Variants in PHLPP1 observed in about 807,000 individuals in gnomAD.
The protein encoded by PHLPP1 is PH domain leucine-rich repeat-containing protein phosphatase 1.
PHLPP1 carries 42 observed loss-of-function variants against 117.2 expected under a neutral mutation model. The ratio of observed to expected loss-of-function variants is 0.36; its 90% confidence interval spans 0.28 to 0.46. PHLPP1 has a LOEUF of 0.46. Among genes scored for constraint, PHLPP1 ranks in the 20% least tolerant of loss-of-function variants. The pLI is 1.00. For missense variants in PHLPP1, 2,084 were observed against 2,241.9 expected (o/e 0.93, Z 1.42); for synonymous variants, 1,042 against 970.7 (o/e 1.07, Z -1.37).
intron 12 of PHLPP1, among the ~76,000 whole-genome samples, chr18:62,953,322 G>A (rs1910518179): frequency 6.6e-6 from 1 of 152,140 alleles, no homozygotes; most frequent in African/African-American, 2.4e-5. Flanking sequence ...TCCAGCCTCA[G>A]CAACTGCTCA....
chr18:62,757,994 G>T (rs1912080921), intron 1 of PHLPP1, among the ~76,000 whole-genome samples: 2 of 152,172 alleles, frequency 1.3e-5, no homozygotes, highest in African/African-American at 4.8e-5. Flanking sequence ...CTAGTTTAGG[G>T]ACACTTTTAA....
chr18:62,746,047 A>T (rs1198946022), intron 1 of PHLPP1, among the ~76,000 whole-genome samples: 1 of 146,814 alleles, frequency 6.8e-6, no homozygotes, highest in Admixed American at 6.8e-5. Context: ...AGAAAAACTA[A>T]TTTTTTTTTT....
In PHLPP1 at chr18:62,825,793, C is replaced by A. The variant is rs142729542; in HGVS notation, c.1577-4242C>A. The stretch of plus-strand genomic sequence containing the variant: ...ATTATAGCAATTACAGTAGACCTAT[C>A]ACTATAATACTCAGCTTTTTTTATT... On this transcript the variant is annotated intron_variant, in intron 1 of 16. Transcript: ENST00000262719. Among the ~76,000 whole-genome samples the A allele has an allele frequency of 3.2e-3, 490 of 152,196 alleles. 4 individuals are homozygous for A. The highest frequency in any genetic ancestry group is 4.0e-3 in the Non-Finnish European group (271 of 68,006).
chr18:62,781,468 T>C (rs1037090328), intron 1 of PHLPP1, among the ~76,000 whole-genome samples: 2 of 152,192 alleles, frequency 1.3e-5, no homozygotes, highest in African/African-American at 4.8e-5. Flanking sequence ...CACTGGGCTC[T>C]CAGTTTTGGC....
intron 12 of PHLPP1, among the ~76,000 whole-genome samples, chr18:62,949,560 G>A (rs1403243172): frequency 1.3e-5 from 2 of 152,160 alleles, no homozygotes; most frequent in African/African-American, 4.8e-5. Context: ...AATAAAATGA[G>A]TTTTTCAGAA....
intron 1 of PHLPP1, among the ~76,000 whole-genome samples, chr18:62,748,543 G>A (rs1174784134): frequency 6.6e-6 from 1 of 152,056 alleles, no homozygotes; most frequent in South Asian, 2.1e-4. Flanking sequence ...ACCACGCCCC[G>A]CCCAAATTCG....
intron 1 of PHLPP1, among the ~76,000 whole-genome samples, chr18:62,722,505 T>C (rs1041343671): frequency 6.6e-6 from 1 of 152,174 alleles, no homozygotes; most frequent in Non-Finnish European, 1.5e-5. Context: ...TCTTTTTTTT[T>C]CTTTAAAGTT....
chr18:62,838,298 G>C (rs1181918219), intron 2 of PHLPP1: 1 of 152,252 alleles, frequency 6.6e-6, no homozygotes, highest in African/African-American at 2.4e-5. Flanking sequence ...ACAAGGAGTG[G>C]AAATTTGATT....
chr18:62,804,727 A>C (rs1457415238), intron 1 of PHLPP1, among the ~76,000 whole-genome samples: 1 of 148,182 alleles, frequency 6.7e-6, no homozygotes, highest in Non-Finnish European at 1.5e-5. Context: ...TTTTAAGAAC[A>C]CGGTCTCGCT....
At chr18:62,735,349 G>T (rs1413219241) in intron 1 of PHLPP1, among the ~76,000 whole-genome samples, 1 of 152,076 alleles carries the variant, frequency 6.6e-6, no homozygotes, top group East Asian at 1.9e-4. Flanking sequence ...CTCCCAAAGT[G>T]CTGGGATTAT....
chr18:62,738,689 G>A (rs1352021555), intron 1 of PHLPP1, among the ~76,000 whole-genome samples: 1 of 152,110 alleles, frequency 6.6e-6, no homozygotes, highest in Non-Finnish European at 1.5e-5. Context: ...GGTACAGTAA[G>A]AGATTAACAA....
intron 3 of PHLPP1, among the ~76,000 whole-genome samples, chr18:62,842,561 A>G (rs1915081202): frequency 6.6e-6 from 1 of 151,560 alleles, no homozygotes; most frequent in African/African-American, 2.4e-5. Context: ...ACGGGATTTC[A>G]CCATGTTGGC....
chr18:62,916,605 G>GTGTGTGTGTGT lies in PHLPP1; in HGVS notation c.2804+1597_2804+1598insTGTGTGTGTGT, dbSNP rs1909283535. On this transcript the variant is annotated intron_variant, in intron 9 of 16. Transcript: ENST00000262719. ...AGCCATCACCATTAACAAGAGGGTG[G>GTGTGTGTGTGT]GTGTGTGTGTGTGTGTGTGTGTGTG... is the stretch of plus-strand genomic sequence containing the variant. 1.4e-3 allele frequency among the ~76,000 whole-genome samples: 211 copies of GTGTGTGTGTGT among 145,842 alleles called. 1 individual carries two copies. The highest frequency in any genetic ancestry group is 5.1e-3 in the African/African-American group (203 of 39,630).
At chr18:62,786,607 A>G (rs1211865246) in intron 1 of PHLPP1, among the ~76,000 whole-genome samples, 9 of 152,232 alleles carry the variant, frequency 5.9e-5, no homozygotes, top group Non-Finnish European at 4.4e-5. Flanking sequence ...ATTAAGGAGA[A>G]AAAGTCATCT....
At chr18:62,963,024 A>AT (rs1245007951) in intron 13 of PHLPP1, among the ~76,000 whole-genome samples, 1 of 152,214 alleles carries the variant, frequency 6.6e-6, no homozygotes, top group African/African-American at 2.4e-5. Context: ...GAATACACCC[A>AT]TCCTATTACT....
chr18:62,833,760 T>G lies in PHLPP1; in HGVS notation c.1773+3529T>G, dbSNP rs114735362. On this transcript the variant is annotated intron_variant, in intron 2 of 16. Transcript: ENST00000262719. ...AATGTCTACTGTAAACATTCCACAA[T>G]TTTCATAATTCCTTAAGTAATTTTC... 7.9e-3 allele frequency among the ~76,000 whole-genome samples: 1,198 copies of G among 152,302 alleles called. 20 individuals carry two copies. The highest frequency in any genetic ancestry group is 0.028 in the African/African-American group (1,146 of 41,568).
chr18:62,783,229 CTTTTTTTTTTTT>C (rs71340114), intron 1 of PHLPP1, among the ~76,000 whole-genome samples: 1 of 106,434 alleles, frequency 9.4e-6, no homozygotes, highest in Non-Finnish European at 2.0e-5. Flanking sequence ...TTTTTTTTTT[CTTTTTTTTTTTT>C]TTTTGAGACA....
At chr18:62,732,932 C>A (rs1446659318) in intron 1 of PHLPP1, among the ~76,000 whole-genome samples, 1 of 152,138 alleles carries the variant, frequency 6.6e-6, no homozygotes, top group Non-Finnish European at 1.5e-5. Flanking sequence ...CATGATGAAA[C>A]TTGAATGGAT....
intron 3 of PHLPP1, among the ~76,000 whole-genome samples, chr18:62,857,266 GGT>G (rs1431226348): frequency 6.6e-6 from 1 of 150,900 alleles, no homozygotes; most frequent in Non-Finnish European, 1.5e-5. Flanking sequence ...AATATATGGA[GGT>G]GTGTGTGTAT....
Sources: gnomAD v4.1 joint callset for allele counts (sites outside exome capture counted in the v4.1 genomes callset) on GRCh38, gnomAD v4.1.1 for gene constraint, MANE v1.5 for transcripts, NCBI Gene and HGNC (gene_info 2026-07-23, HGNC 2026-07-21) for gene names.